RREB1: variants seen among roughly 807,000 people sequenced by gnomAD.
The protein encoded by RREB1 is ras-responsive element-binding protein 1.
In RREB1, 27 loss-of-function variants were observed where a neutral mutation model predicts 117.8. The ratio of observed to expected loss-of-function variants is 0.23; its 90% CI spans 0.17 to 0.32. The LOEUF (loss-of-function observed/expected upper bound fraction) is 0.32. Ranked by LOEUF, RREB1 falls within the 10% of genes least tolerant of loss-of-function variation. RREB1 has a pLI of 1.00. For synonymous variants in RREB1, 1,298 were observed against 1,026.7 expected (o/e 1.26, Z -5.05); for missense variants, 2,577 against 2,378.2 (o/e 1.08, Z -1.74).
At position 7,122,486 on chromosome 6, in the gene RREB1, G is replaced by A. The variant is rs528761890; in HGVS notation, c.-285+14426G>A. 4.6e-5 allele frequency among the ~76,000 whole-genome samples: 7 copies of A among 152,300 alleles called. 1 individual carries two copies. In the South Asian group the frequency reaches 1.5e-3, roughly 32 times the overall value. ...TTACTATGTTGCCCAGGCTGGTCTT[G>A]AACTCTTGGATTCAAGTGATCCTCC... On this transcript the variant is annotated intron_variant, in intron 1 of 12. Coordinates refer to ENST00000379938, the MANE Select transcript of RREB1 (RefSeq NM_001003699.4).
At chr6:7,241,716 A>G (rs764283448) in intron 11 of RREB1, among the ~76,000 whole-genome samples, 2 of 152,164 alleles carry the variant, frequency 1.3e-5, no homozygotes, top group Non-Finnish European at 1.5e-5. Flanking sequence ...GCCCATCTCT[A>G]CGCCTCCCAC....
chr6:7,168,559 A>G (rs890259514), intron 1 of RREB1, among the ~76,000 whole-genome samples: 1 of 152,182 alleles, frequency 6.6e-6, no homozygotes, highest in Non-Finnish European at 1.5e-5. Context: ...GCCTGTATCC[A>G]TCTGAGGGCT....
chr6:7,150,882 C>T (rs990209051), intron 1 of RREB1, among the ~76,000 whole-genome samples: 25 of 152,160 alleles, frequency 1.6e-4, no homozygotes, highest in African/African-American at 5.8e-4. Context: ...GTAGGCGGAG[C>T]CTCAAGGACA....
At chr6:7,157,042 G>A (rs1763400666) in intron 1 of RREB1, among the ~76,000 whole-genome samples, 1 of 152,210 alleles carries the variant, frequency 6.6e-6, no homozygotes. Context: ...GCTCCCTGGG[G>A]TCCTTTGCTC....
chr6:7,148,108 G>A (rs913878868), intron 1 of RREB1, among the ~76,000 whole-genome samples: 2 of 152,152 alleles, frequency 1.3e-5, no homozygotes, highest in Admixed American at 6.5e-5. Context: ...GGGTATACGT[G>A]GGGGGAGAGG....
At chr6:7,201,631 T>C (rs1765992701) in intron 6 of RREB1, among the ~76,000 whole-genome samples, 1 of 152,024 alleles carries the variant, frequency 6.6e-6, no homozygotes, top group Non-Finnish European at 1.5e-5. Context: ...CATCCTCAGC[T>C]TCTCTTGGGG....
At chr6:7,237,421 T>C (rs1054119120) in intron 10 of RREB1, among the ~76,000 whole-genome samples, 1 of 151,448 alleles carries the variant, frequency 6.6e-6, no homozygotes, top group African/African-American at 2.4e-5. Flanking sequence ...AGAGACAAGG[T>C]CTCACTGTGT....
chr6:7,249,062 T>TGTGAGA lies in RREB1; in HGVS notation c.*95_*96insTGAGAG. 1.8e-6 allele frequency: 1 copy of TGTGAGA among 566,670 alleles called. No homozygotes were observed. The highest frequency in any genetic ancestry group is 3.0e-6 in the Non-Finnish European group (1 of 338,458). The allele number at this position is 566,670 out of a possible 1,614,324, so 35.1% of individuals were successfully genotyped here. ...TCAGTGCCCTTTGGCTGTTGAGGAG[T>TGTGAGA]GAGAGAGAGAGAGAGAGAGAGAGAG... is the stretch of plus-strand genomic sequence containing the variant. On this transcript the variant is annotated 3_prime_UTR_variant, in exon 13 of 13. Transcript: ENST00000379938.
chr6:7,141,137 G>C (rs954918735), intron 1 of RREB1, among the ~76,000 whole-genome samples: 4 of 152,052 alleles, frequency 2.6e-5, no homozygotes, highest in African/African-American at 9.7e-5. Context: ...GCCCCCTCGG[G>C]CCGCCCCCAG....
In RREB1 at chr6:7,251,798, C is replaced by G. The variant is rs1255289504; in HGVS notation, c.*2830C>G. The G allele has an allele frequency of 6.6e-6, 1 of 152,172 alleles. No individual in the cohort carries two copies. The highest frequency in any genetic ancestry group is 1.9e-4 in the East Asian group (1 of 5,204). 9.4% of individuals were successfully genotyped at this position (152,172 alleles called of 1,614,324 possible). On this transcript the variant is annotated 3_prime_UTR_variant, in exon 13 of 13. Transcript: ENST00000379938. ...TATTTTTCTAAAGGGAACTTAAAAA[C>G]TGCTGCTACATGTTATGTACAAAAC... is the stretch of plus-strand genomic sequence containing the variant.
chr6:7,199,821 G>T (rs1226338624), intron 6 of RREB1, among the ~76,000 whole-genome samples: 1 of 151,834 alleles, frequency 6.6e-6, no homozygotes, highest in African/African-American at 2.4e-5. Context: ...ACTCCACCAT[G>T]CCTGGCCTAT....
intron 8 of RREB1, chr6:7,214,800 A>G (rs6597258): frequency 0.53 from 80,146 of 152,182 alleles, 22,231 homozygotes; most frequent in East Asian, 0.8. Context: ...TCCTGCACTT[A>G]TCCCCCTTCT....
intron 6 of RREB1, among the ~76,000 whole-genome samples, chr6:7,198,488 TA>T (rs1765775400): frequency 6.6e-6 from 1 of 152,222 alleles, no homozygotes; most frequent in Admixed American, 6.5e-5. Context: ...TCAGAGATCT[TA>T]ACACATTTAA....
chr6:7,154,478 A>G (rs1447092581), intron 1 of RREB1, among the ~76,000 whole-genome samples: 1 of 152,228 alleles, frequency 6.6e-6, no homozygotes, highest in Non-Finnish European at 1.5e-5. Flanking sequence ...AACGTACAGT[A>G]TGTGTGCTCA....
At position 7,246,488 on chromosome 6, in the gene RREB1, CAG is replaced by C; in HGVS notation, c.4043_4044del (p.Glu1348AlafsTer8). The C allele has an allele frequency of 1.3e-6, 2 of 1,542,860 alleles. No homozygotes were observed. The highest frequency in any genetic ancestry group is 8.7e-7 in the Non-Finnish European group (1 of 1,143,500). On this transcript the variant is annotated frameshift_variant, in exon 12 of 13. Coordinates refer to ENST00000379938, the MANE Select transcript of RREB1 (RefSeq NM_001003699.4). LOFTEE classifies it high-confidence loss of function. Reference sequence around the variant, plus strand: ...AAGTGCTAGACCTCACCTCACGGGACAGAGAGCAGCCGTCGGAGGGCGCCACT... The same window carrying C: ...AAGTGCTAGACCTCACCTCACGGGACAGAGCAGCCGTCGGAGGGCGCCACT... Reference protein sequence around the residue: ...GEVLDLTSRDREQPSEGATEL... With the variant: ...GEVLDLTSRDXEQPSEGATEL...
rs778437778 is a variant in RREB1, at chr6:7,231,526, G to A, written c.3427G>A (p.Glu1143Lys). The change falls in exon 10 of 13, where the codon GAG (glutamate) becomes AAG (lysine). Residue 1143 changes from glutamate (E) to lysine (K), a missense_variant. Glu to Lys is a moderately conservative substitution (Grantham distance 56). Coordinates refer to ENST00000379938, the MANE Select transcript of RREB1 (RefSeq NM_001003699.4). ...ASSPEAASPT[E>K]QGPAGTSKKR... ...CAGCCCAGAGGCTGCCTCTCCCACCGAGCAGGGCCCAGCGGGCACGTCGAA... is the reference window on the plus strand; with the variant it reads ...CAGCCCAGAGGCTGCCTCTCCCACCAAGCAGGGCCCAGCGGGCACGTCGAA... 55 of 1,609,104 alleles carry A rather than the reference G, an allele frequency of 3.4e-5. No homozygotes were observed. The highest frequency in any genetic ancestry group is 5.1e-5 in the Admixed American group (3 of 59,264).
intron 6 of RREB1, among the ~76,000 whole-genome samples, chr6:7,207,650 G>T (rs546847705): frequency 6.6e-6 from 1 of 152,276 alleles, no homozygotes; most frequent in South Asian, 2.1e-4. Context: ...TTTGCATCTG[G>T]ATCCAGCATT....
chr6:7,111,514 G>T (rs926605924), intron 1 of RREB1, among the ~76,000 whole-genome samples: 4 of 152,104 alleles, frequency 2.6e-5, no homozygotes, highest in Admixed American at 2.0e-4. Context: ...ATAGGATAAG[G>T]GTTGCTAAGC....
intron 1 of RREB1, among the ~76,000 whole-genome samples, chr6:7,132,063 T>G (rs139077789): frequency 1.7e-3 from 256 of 152,182 alleles, no homozygotes; most frequent in Non-Finnish European, 1.0e-3. Context: ...TTTTTTGGTT[T>G]GTTTGTTTGA....
Sources: allele counts gnomAD v4.1 joint callset (sites outside exome capture counted in the v4.1 genomes callset), GRCh38; gene constraint gnomAD v4.1.1; transcripts MANE v1.5; gene names NCBI Gene and HGNC (gene_info 2026-07-23, HGNC 2026-07-21).